The following C10orf67 variants were observed in gnomAD, a reference collection of about 807,000 sequenced individuals.
The protein encoded by C10orf67 is chromosome 10 open reading frame 67, also known as uncharacterized protein C10orf67, mitochondrial.
Under a neutral mutation model 35.6 loss-of-function variants are expected in C10orf67, and 60 were observed. The observed-to-expected ratio is 1.68, with a 90% CI of 1.37 to 2.09. C10orf67 has a LOEUF of 2.09. Ranked by LOEUF, C10orf67 falls within the 30% of genes most tolerant of loss-of-function variation. The pLI is 0.00. For missense variants in C10orf67, 474 were observed against 330.2 expected, an observed-to-expected ratio of 1.44 and a Z score of -3.38; for synonymous variants, 167 against 115.8, an observed-to-expected ratio of 1.44 and a Z score of -2.84.
chr10:23,321,449 C>A (rs1026559028), intron 3 of C10orf67, among the ~76,000 whole-genome samples: 2 of 151,794 alleles, frequency 1.3e-5, no homozygotes, highest in Admixed American at 6.6e-5. Flanking sequence ...TGGGCTCAGA[C>A]TATCCTCCTG....
chr10:23,222,929 G>T (rs746965353), intron 15 of C10orf67, among the ~76,000 whole-genome samples: 25 of 152,126 alleles, frequency 1.6e-4, no homozygotes, highest in Non-Finnish European at 3.2e-4. Context: ...AATTACAGGT[G>T]TGAGCCACCA....
At chr10:23,314,708 A>C (rs529774983) in intron 4 of C10orf67, among the ~76,000 whole-genome samples, 5 of 152,246 alleles carry the variant, frequency 3.3e-5, no homozygotes, top group Admixed American at 6.5e-5. Flanking sequence ...TTTCAGCTAT[A>C]GGACTAGAGG....
intron 13 of C10orf67, among the ~76,000 whole-genome samples, chr10:23,239,507 T>C (rs552906873): frequency 8.5e-5 from 13 of 152,334 alleles, no homozygotes; most frequent in South Asian, 2.1e-4. Flanking sequence ...CTCAACCATA[T>C]TGCGCTGTAG....
chr10:23,239,734 A>G lies in C10orf67; in HGVS notation c.1429T>C (p.Tyr477His). 1.5e-6 allele frequency: 1 copy of G among 656,176 alleles called. No individual in the cohort carries two copies. Among genetic ancestry groups the G allele is most frequent in the Non-Finnish European group, 2.9e-6 (1 of 340,182 alleles). 40.6% of individuals were successfully genotyped at this position (656,176 alleles called of 1,614,324 possible). A position where few individuals can be genotyped will look rare whatever the true frequency, so the allele number is the denominator to read the frequency against. The change falls in exon 13 of 16, where the codon TAT (tyrosine) becomes CAT (histidine). Residue 477 changes from tyrosine (Y) to histidine (H), a missense_variant. By Grantham distance (83) the Tyr-to-His change is moderately conservative. Transcript: ENST00000636213. ...TAAACATTACATGCACTTACAATAT[A>G]ATTGAAGGATGTGTCAGCAAGCACT... is the stretch of plus-strand genomic sequence containing the variant. Reference protein sequence around the residue: ...FAVLADTSFNYIKVKPLLVQS... With the variant: ...FAVLADTSFNHIKVKPLLVQS...
In C10orf67 at chr10:23,314,873, G is replaced by T. The variant is rs185734427; in HGVS notation, c.546+5868C>A. Among the ~76,000 whole-genome samples the T allele has an allele frequency of 1.4e-3, 206 of 152,104 alleles. 1 individual carries two copies. Among genetic ancestry groups the T allele is most frequent in the Middle Eastern group, 6.8e-3 (2 of 294 alleles). ...TTACATACAACTCTTTATCTTTGCT[G>T]TATTCGATTGACCAGAAGCAAAAGT... On this transcript the variant is annotated intron_variant, in intron 4 of 15. Transcript: ENST00000636213.
In C10orf67 at chr10:23,331,726, G is replaced by A. The variant is rs558155186; in HGVS notation, c.327+1336C>T. Among the ~76,000 whole-genome samples the A allele has an allele frequency of 2.2e-4, 33 of 151,068 alleles. No individual in the cohort carries two copies. In the South Asian group the frequency reaches 3.2e-3, roughly 15 times the overall value. On this transcript the variant is annotated intron_variant, in intron 2 of 15. Coordinates refer to ENST00000636213, the MANE Select transcript of C10orf67 (RefSeq NM_001371909.1). ...GGGAAGGGAAAAGGGGAAGGGAAGG[G>A]GAATGGAAAGTAGCAGGAAGGGAAA...
intron 8 of C10orf67, among the ~76,000 whole-genome samples, chr10:23,277,923 A>T (rs984014569): frequency 6.6e-6 from 1 of 152,126 alleles, no homozygotes; most frequent in Non-Finnish European, 1.5e-5. Context: ...CCTCAAGAAG[A>T]TTCCAATCAT....
At chr10:23,221,233 C>T (rs1385556738) in intron 15 of C10orf67, among the ~76,000 whole-genome samples, 7 of 151,758 alleles carry the variant, frequency 4.6e-5, no homozygotes, top group African/African-American at 1.2e-4. Flanking sequence ...CAGGAGAGAG[C>T]GAGAGAGAGA....
chr10:23,271,551 A>G (rs1371702356), intron 8 of C10orf67, among the ~76,000 whole-genome samples: 1 of 152,214 alleles, frequency 6.6e-6, no homozygotes, highest in Non-Finnish European at 1.5e-5. Flanking sequence ...AGAGAATAAG[A>G]GTTCTAGTTG....
At chr10:23,318,791 A>G (rs1844833550) in intron 4 of C10orf67, 2 of 698,220 alleles carry the variant, frequency 2.9e-6, no homozygotes, top group East Asian at 5.3e-5. Flanking sequence ...ATAAGAGGCC[A>G]GAGGCAGGGC....
chr10:23,228,655 C>T (rs1426771801), intron 13 of C10orf67, among the ~76,000 whole-genome samples: 2 of 151,946 alleles, frequency 1.3e-5, no homozygotes, highest in Non-Finnish European at 2.9e-5. Context: ...AACAGGCAAC[C>T]ACAAAATGGG....
At chr10:23,291,036 C>A in intron 6 of C10orf67, 96 bp downstream of exon 6, 1 of 600,458 alleles carries the variant, frequency 1.7e-6, no homozygotes, top group Non-Finnish European at 3.0e-6. Context: ...TGTAAATAAC[C>A]AAACGAATGT....
At chr10:23,300,545 C>T (rs923243711) in intron 5 of C10orf67, among the ~76,000 whole-genome samples, 1 of 152,082 alleles carries the variant, frequency 6.6e-6, no homozygotes, top group African/African-American at 2.4e-5. Flanking sequence ...CTTATTTATC[C>T]TTTAAGATCA....
rs1434805241 is a variant in C10orf67 at position 23,289,942 on chromosome 10, A to G, written c.867T>C (p.Ser289=). 2.8e-6 allele frequency: 2 copies of G among 717,150 alleles called. No individual in the cohort carries two copies. 44.4% of individuals were successfully genotyped at this position (717,150 alleles called of 1,614,324 possible). Reference sequence around the variant, plus strand: ...GATCCTTTTCTGCCATCTCTTTCATACTTATAAGTTCATCTTCTGTAAACA... The same window carrying G: ...GATCCTTTTCTGCCATCTCTTTCATGCTTATAAGTTCATCTTCTGTAAACA... ...ENSGLEDELI[S]MKEMAEKDHK... Residue 289 remains serine, a synonymous_variant, in exon 7 of 16, where the codon AGT becomes AGC. Transcript: ENST00000636213.
intron 8 of C10orf67, among the ~76,000 whole-genome samples, chr10:23,271,337 G>T (rs188196171): frequency 2.6e-5 from 4 of 152,178 alleles, no homozygotes; most frequent in Non-Finnish European, 5.9e-5. Context: ...TACCAGAGGT[G>T]TTTCCAGTTT....
intron 13 of C10orf67, among the ~76,000 whole-genome samples, chr10:23,239,187 T>C (rs750311630): frequency 6.6e-6 from 1 of 152,236 alleles, no homozygotes; most frequent in African/African-American, 2.4e-5. Context: ...TATATTTCTA[T>C]ACCAGGTATC....
intron 5 of C10orf67, among the ~76,000 whole-genome samples, chr10:23,297,234 T>TTCCTA (rs1554812499): frequency 2.0e-5 from 1 of 48,804 alleles, no homozygotes; most frequent in African/African-American, 1.0e-4. Flanking sequence ...CTATTTCCCT[T>TTCCTA]TCCTTTCCTT....
chr10:23,211,149 G>T (rs1042249772), intron 15 of C10orf67, among the ~76,000 whole-genome samples: 1 of 152,118 alleles, frequency 6.6e-6, no homozygotes. Flanking sequence ...AATTTGTAGG[G>T]CCATGCTCCC....
At position 23,257,798 on chromosome 10, in the gene C10orf67, G is replaced by GT. The variant is rs144725163; in HGVS notation, c.1201-7108dup. Among the ~76,000 whole-genome samples, 1,416 of 144,886 alleles carry GT rather than the reference G, an allele frequency of 9.8e-3. 7 individuals carry two copies. The highest frequency in any genetic ancestry group is 0.012 in the South Asian group (55 of 4,526). ...AACCTGGGTGACAGAGTCAGACTCT[G>GT]TTTTTTTTTTTTTAAATAAAAGACT... On this transcript the variant is annotated intron_variant, in intron 10 of 15. Transcript: ENST00000636213.
Sources: allele counts gnomAD v4.1 joint callset (sites outside exome capture counted in the v4.1 genomes callset), GRCh38; gene constraint gnomAD v4.1.1; transcripts MANE v1.5; gene names NCBI Gene and HGNC (gene_info 2026-07-23, HGNC 2026-07-21).